SNTG1: variants seen among roughly 807,000 people sequenced by gnomAD.
The protein encoded by SNTG1 is gamma-1-syntrophin.
SNTG1 carries 39 observed loss-of-function variants against 74.7 expected under a neutral mutation model. That is an observed-to-expected ratio of 0.52 (90% CI 0.40 to 0.68). The LOEUF (loss-of-function observed/expected upper bound fraction) is 0.68, where lower values mean the gene tolerates loss of function less well. Among genes scored for constraint, SNTG1 ranks in the 30% least tolerant of loss-of-function variants. SNTG1 has a pLI of 0.00. For synonymous variants in SNTG1, 254 were observed against 217.1 expected (o/e 1.17, Z -1.49); for missense variants, 685 against 609.5 (o/e 1.12, Z -1.30).
At chr8:50,057,263 T>C (rs1397357906) in intron 1 of SNTG1, among the ~76,000 whole-genome samples, 1 of 152,094 alleles carries the variant, frequency 6.6e-6, no homozygotes, top group African/African-American at 2.4e-5. Flanking sequence ...AGGGCTATGC[T>C]GAGTGGAAAT....
At chr8:50,435,149 A>G (rs187650458) in intron 4 of SNTG1, among the ~76,000 whole-genome samples, 1 of 152,190 alleles carries the variant, frequency 6.6e-6, no homozygotes, top group African/African-American at 2.4e-5. Flanking sequence ...TGTAACATTG[A>G]TGTTGATTAT....
chr8:50,084,179 T>C (rs1822660663), intron 1 of SNTG1, among the ~76,000 whole-genome samples: 1 of 151,998 alleles, frequency 6.6e-6, no homozygotes, highest in South Asian at 2.1e-4. Context: ...ACTGTAAAAC[T>C]GGCCAGGCGC....
intron 18 of SNTG1, among the ~76,000 whole-genome samples, chr8:50,772,245 G>A (rs529526671): frequency 2.7e-4 from 41 of 152,186 alleles, no homozygotes; most frequent in Non-Finnish European, 3.8e-4. Context: ...ACAAAGCCAC[G>A]GGAGTTGAAC....
Position 50,031,262 on chromosome 8 carries a change from A to G in SNTG1, c.-103+119031A>G, listed in dbSNP as rs112914136. ...GCATACAATTCTCAGGGTTATTTCT[A>G]TAGATCACCATGTCATCTACAAATA... On this transcript the variant is annotated intron_variant, in intron 1 of 18. Transcript: ENST00000642720. Among the ~76,000 whole-genome samples, 11 of 152,086 alleles carry G rather than the reference A, an allele frequency of 7.2e-5. 1 individual carries two copies. Among genetic ancestry groups the G allele is most frequent in the African/African-American group, 2.4e-4 (10 of 41,530 alleles).
chr8:50,381,703 A>T (rs1319249048), intron 2 of SNTG1, among the ~76,000 whole-genome samples: 1 of 136,748 alleles, frequency 7.3e-6, no homozygotes, highest in African/African-American at 2.7e-5. Flanking sequence ...CCTATTAGTT[A>T]TATATATATA....
At chr8:50,777,916 T>C (rs1433676427) in intron 18 of SNTG1, among the ~76,000 whole-genome samples, 1 of 152,006 alleles carries the variant, frequency 6.6e-6, no homozygotes, top group African/African-American at 2.4e-5. Flanking sequence ...TGTGATCTCA[T>C]TGTTCAATTC....
chr8:50,610,626 A>G (rs1388316339), intron 13 of SNTG1, among the ~76,000 whole-genome samples: 1 of 152,212 alleles, frequency 6.6e-6, no homozygotes, highest in Non-Finnish European at 1.5e-5. Context: ...CAAAGCCACA[A>G]GTTTATGCTA....
intron 1 of SNTG1, among the ~76,000 whole-genome samples, chr8:49,931,592 G>A (rs1807598698): frequency 6.6e-6 from 1 of 152,032 alleles, no homozygotes; most frequent in Non-Finnish European, 1.5e-5. Flanking sequence ...AAATAACCTA[G>A]AAGTCTATGA....
At chr8:50,025,640 T>C (rs1563489196) in intron 1 of SNTG1, among the ~76,000 whole-genome samples, 1 of 152,172 alleles carries the variant, frequency 6.6e-6, no homozygotes, top group African/African-American at 2.4e-5. Flanking sequence ...AGCCTTTCGA[T>C]GGCAATTCAA....
intron 2 of SNTG1, among the ~76,000 whole-genome samples, chr8:50,235,776 A>T (rs2085860167): frequency 1.3e-5 from 2 of 152,180 alleles, no homozygotes; most frequent in Non-Finnish European, 1.5e-5. Flanking sequence ...ATGCATGGGA[A>T]GACAATGGTA....
intron 2 of SNTG1, among the ~76,000 whole-genome samples, chr8:50,211,246 T>C (rs1027107776): frequency 3.3e-5 from 5 of 152,074 alleles, no homozygotes; most frequent in African/African-American, 1.2e-4. Context: ...CTATCAAGAG[T>C]ATATTAAAAG....
At chr8:50,683,358 A>G (rs2095338810) in intron 15 of SNTG1, among the ~76,000 whole-genome samples, 1 of 152,202 alleles carries the variant, frequency 6.6e-6, no homozygotes, top group Non-Finnish European at 1.5e-5. Flanking sequence ...ACAGTATCTA[A>G]TGGGACTGGG....
intron 2 of SNTG1, among the ~76,000 whole-genome samples, chr8:50,383,387 A>T (rs2092521921): frequency 6.6e-6 from 1 of 152,234 alleles, no homozygotes; most frequent in Admixed American, 6.5e-5. Flanking sequence ...ATGTTAGATG[A>T]TAAGGGAATA....
intron 2 of SNTG1, among the ~76,000 whole-genome samples, chr8:50,253,886 G>C (rs1209387886): frequency 1.3e-5 from 2 of 152,008 alleles, no homozygotes; most frequent in Non-Finnish European, 2.9e-5. Flanking sequence ...TAGAAGCAGG[G>C]AGTAAAGCGA....
intron 9 of SNTG1, among the ~76,000 whole-genome samples, chr8:50,515,312 A>C (rs78564888): frequency 6.6e-6 from 1 of 151,718 alleles, no homozygotes; most frequent in Non-Finnish European, 1.5e-5. Context: ...ATGTGTAAAA[A>C]TACACATACC....
intron 14 of SNTG1, among the ~76,000 whole-genome samples, chr8:50,658,372 T>C (rs2095196853): frequency 6.6e-6 from 1 of 152,138 alleles, no homozygotes; most frequent in African/African-American, 2.4e-5. Flanking sequence ...TTGCACATAA[T>C]ATAAATCATT....
At chr8:50,201,367 A>C (rs1344773926) in intron 2 of SNTG1, among the ~76,000 whole-genome samples, 1 of 152,202 alleles carries the variant, frequency 6.6e-6, no homozygotes, top group African/African-American at 2.4e-5. Context: ...AAAATTGAAA[A>C]GATAACACAA....
At chr8:50,709,227 A>G in intron 17 of SNTG1, 1 of 436,356 alleles carries the variant, frequency 2.3e-6, no homozygotes, top group South Asian at 6.7e-5. Context: ...CTATGTATGT[A>G]TCTATCTATC....
intron 2 of SNTG1, among the ~76,000 whole-genome samples, chr8:50,305,372 G>A (rs1355970031): frequency 6.6e-6 from 1 of 151,916 alleles, no homozygotes; most frequent in Non-Finnish European, 1.5e-5. Flanking sequence ...TGTTTTTAAA[G>A]TCTGGTATTT....
Sources: gnomAD v4.1 joint callset for allele counts (sites outside exome capture counted in the v4.1 genomes callset) on GRCh38, gnomAD v4.1.1 for gene constraint, MANE v1.5 for transcripts, NCBI Gene and HGNC (gene_info 2026-07-23, HGNC 2026-07-21) for gene names.